Variants in ZFAND3 observed in about 807,000 individuals in gnomAD.
ZFAND3 encodes AN1-type zinc finger protein 3.
ZFAND3 carries 10 observed loss-of-function variants against 29.6 expected under a neutral mutation model. The observed-to-expected ratio is 0.34, with a 90% CI of 0.21 to 0.57. The LOEUF (loss-of-function observed/expected upper bound fraction) is 0.57, where lower values mean the gene tolerates loss of function less well. Among genes scored for constraint, ZFAND3 ranks in the 20% least tolerant of loss-of-function variants. ZFAND3 has a pLI of 0.86. For synonymous variants in ZFAND3, 128 were observed against 112.6 expected (o/e 1.14, Z -0.87); for missense variants, 230 against 304.5 (o/e 0.76, Z 1.82).
chr6:38,139,195 C>T (rs575380528), intron 5 of ZFAND3, among the ~76,000 whole-genome samples: 1 of 152,252 alleles, frequency 6.6e-6, no homozygotes, highest in South Asian at 2.1e-4. Context: ...CCTTGAATAC[C>T]TGATTGGCCT....
chr6:37,862,637 A>C (rs1221279063), intron 1 of ZFAND3, among the ~76,000 whole-genome samples: 1 of 151,932 alleles, frequency 6.6e-6, no homozygotes, highest in East Asian at 1.9e-4. Context: ...TGGGGAGGTC[A>C]AGGCTGCAAT....
intron 2 of ZFAND3, among the ~76,000 whole-genome samples, chr6:38,054,617 A>ACT (rs1480973411): frequency 5.3e-5 from 8 of 152,144 alleles, no homozygotes; most frequent in African/African-American, 1.9e-4. Context: ...CTGATAGGTA[A>ACT]AGGCGTTTTG....
At chr6:37,851,446 G>A (rs1764280397) in intron 1 of ZFAND3, among the ~76,000 whole-genome samples, 1 of 146,292 alleles carries the variant, frequency 6.8e-6, no homozygotes, top group South Asian at 2.1e-4. Context: ...AAACTCCTTA[G>A]TCTGCCTCCT....
intron 2 of ZFAND3, among the ~76,000 whole-genome samples, chr6:38,029,501 T>C (rs1412231661): frequency 2.6e-5 from 4 of 152,228 alleles, no homozygotes; most frequent in Non-Finnish European, 5.9e-5. Flanking sequence ...TGGATCTCTC[T>C]AACACCAGTG....
At chr6:37,877,728 T>G (rs145047629) in intron 1 of ZFAND3, among the ~76,000 whole-genome samples, 4 of 152,332 alleles carry the variant, frequency 2.6e-5, no homozygotes, top group African/African-American at 9.6e-5. Flanking sequence ...ACAACAAAGC[T>G]AGTGTTCCAA....
chr6:38,020,043 C>T (rs181417198), intron 2 of ZFAND3, among the ~76,000 whole-genome samples: 2 of 152,308 alleles, frequency 1.3e-5, no homozygotes, highest in East Asian at 3.9e-4. Context: ...TTGGCCTTCT[C>T]ATAATGCCTT....
Position 37,846,594 on chromosome 6 carries a change from AC to A in ZFAND3, c.71+26579del, listed in dbSNP as rs569558553. On this transcript the variant is annotated intron_variant, in intron 1 of 5. Coordinates refer to ENST00000287218, the MANE Select transcript of ZFAND3 (RefSeq NM_021943.3). The stretch of plus-strand genomic sequence containing the variant: ...GGACGTTGCAGATATTTACTCCTTA[AC>A]AGTAAAGAGTCTGGAACTTGCCGAA... Among the ~76,000 whole-genome samples, 16 of 152,316 alleles carry A rather than the reference AC, an allele frequency of 1.1e-4. 1 individual carries two copies. The South Asian group carries it at 3.3e-3, about 32-fold the overall frequency.
chr6:38,135,693 C>G (rs1041433124), intron 5 of ZFAND3, among the ~76,000 whole-genome samples: 1 of 151,822 alleles, frequency 6.6e-6, no homozygotes, highest in South Asian at 2.1e-4. Context: ...TGCAGTGAGC[C>G]GAGATCGCGC....
chr6:38,064,035 T>C (rs1464431976), intron 3 of ZFAND3, among the ~76,000 whole-genome samples: 1 of 152,164 alleles, frequency 6.6e-6, no homozygotes, highest in South Asian at 2.1e-4. Context: ...TTCAAGATCA[T>C]GTACTTACTG....
intron 1 of ZFAND3, among the ~76,000 whole-genome samples, chr6:37,860,655 T>TTTTTTTTTTTG (rs553527543): frequency 1.4e-5 from 2 of 144,444 alleles, no homozygotes; most frequent in African/African-American, 5.3e-5. Flanking sequence ...TTTTTTTTTT[T>TTTTTTTTTTTG]TTAAGTAGGT....
intron 2 of ZFAND3, among the ~76,000 whole-genome samples, chr6:38,031,367 C>T (rs1335934685): frequency 6.6e-6 from 1 of 152,212 alleles, no homozygotes; most frequent in African/African-American, 2.4e-5. Flanking sequence ...TTCTCCTGAT[C>T]TTCAGCAGAT....
intron 4 of ZFAND3, among the ~76,000 whole-genome samples, chr6:38,100,960 T>G (rs76930963): frequency 2.6e-4 from 39 of 152,350 alleles, no homozygotes; most frequent in African/African-American, 9.4e-4. Flanking sequence ...AAAACTTCAG[T>G]GTGTAATTCT....
chr6:37,950,104 T>C (rs1761970094), intron 2 of ZFAND3, among the ~76,000 whole-genome samples: 1 of 152,250 alleles, frequency 6.6e-6, no homozygotes, highest in African/African-American at 2.4e-5. Context: ...TCTTTTGATG[T>C]GCAGTCTGTT....
rs543422771 is a variant in ZFAND3 at position 38,132,059 on chromosome 6, G to A, written c.529+15320G>A. Among the ~76,000 whole-genome samples the A allele has an allele frequency of 4.6e-5, 7 of 152,308 alleles. No individual in the cohort carries two copies. In the South Asian group the frequency reaches 1.5e-3, roughly 32 times the overall value. On this transcript the variant is annotated intron_variant, in intron 5 of 5. Transcript: ENST00000287218. ...ATTGGTAGAGGAAGAAAATAATTCA[G>A]ACTAGACATATATGCTGTCAGATAG... is the stretch of plus-strand genomic sequence containing the variant.
chr6:38,121,207 C>A (rs1765527319), intron 5 of ZFAND3, among the ~76,000 whole-genome samples: 2 of 152,106 alleles, frequency 1.3e-5, no homozygotes, highest in Admixed American at 6.5e-5. Flanking sequence ...CATAGTAAGA[C>A]CCTGTCTCTA....
chr6:38,149,426 A>AC (rs922744895), intron 5 of ZFAND3, among the ~76,000 whole-genome samples: 1 of 151,764 alleles, frequency 6.6e-6, no homozygotes, highest in Non-Finnish European at 1.5e-5. Context: ...AAAAAAAAAA[A>AC]AAACCTAAGC....
intron 2 of ZFAND3, among the ~76,000 whole-genome samples, chr6:37,959,970 A>G (rs1246116967): frequency 6.6e-6 from 1 of 152,214 alleles, no homozygotes; most frequent in Non-Finnish European, 1.5e-5. Flanking sequence ...CACTTTAGGG[A>G]GAAGTAAATA....
chr6:38,117,785 A>G (rs1277442741), intron 5 of ZFAND3, among the ~76,000 whole-genome samples: 4 of 152,212 alleles, frequency 2.6e-5, no homozygotes, highest in African/African-American at 9.6e-5. Flanking sequence ...TTATAAAGTA[A>G]TGGTCACTGG....
chr6:38,153,347 G>A lies in ZFAND3; in HGVS notation c.*958G>A, dbSNP rs2127500151. 1 of 985,484 alleles carries A rather than the reference G, an allele frequency of 1.0e-6. No individual in the cohort carries two copies. Among genetic ancestry groups the A allele is most frequent in the Non-Finnish European group, 1.2e-6 (1 of 829,956 alleles). 61.0% of individuals were successfully genotyped at this position (985,484 alleles called of 1,614,324 possible). A position where few individuals can be genotyped will look rare whatever the true frequency, so the allele number is the denominator to read the frequency against. ...CAGCTGGGGAAGCTGCCGCCCACGG[G>A]CTCTGCCCCTTCCAGCTGGAGCCGC... On this transcript the variant is annotated 3_prime_UTR_variant, in exon 6 of 6. Transcript: ENST00000287218.
Sources: allele counts gnomAD v4.1 joint callset (sites outside exome capture counted in the v4.1 genomes callset), GRCh38; gene constraint gnomAD v4.1.1; transcripts MANE v1.5; gene names NCBI Gene and HGNC (gene_info 2026-07-23, HGNC 2026-07-21).